HSDL2: variants seen among roughly 807,000 people sequenced by gnomAD.
The protein encoded by HSDL2 is hydroxysteroid dehydrogenase like 2, also known as hydroxysteroid dehydrogenase-like protein 2.
A neutral mutation model predicts 46.3 loss-of-function variants in HSDL2; 27 were observed. That is an observed-to-expected ratio of 0.58 (90% CI 0.43 to 0.80). The LOEUF (loss-of-function observed/expected upper bound fraction) is 0.80. HSDL2 is among the 30% of genes least tolerant of loss of function. The pLI is 0.00. For synonymous variants in HSDL2, 153 were observed against 163.6 expected (o/e 0.94, Z 0.50); for missense variants, 451 against 502.7 (o/e 0.90, Z 0.98).
rs866940819 is a variant in HSDL2 at position 112,398,586 on chromosome 9, C to T, written c.18-5409C>T. On this transcript the variant is annotated intron_variant, in intron 1 of 10. Transcript: ENST00000398805. ...AGAGGCTTGAGCAGATAACGAAGGC[C>T]GAACGGGAGAGGAAACCTGAGGAAG... is the stretch of plus-strand genomic sequence containing the variant. Among the ~76,000 whole-genome samples, 8 of 151,734 alleles carry T rather than the reference C, an allele frequency of 5.3e-5. No homozygotes were observed. The South Asian group carries it at 8.4e-4, about 16-fold the overall frequency.
intron 10 of HSDL2, among the ~76,000 whole-genome samples, chr9:112,464,393 T>A (rs1833314718): frequency 6.6e-6 from 1 of 152,248 alleles, no homozygotes; most frequent in Admixed American, 6.5e-5. Context: ...AAAAGTATCT[T>A]CTGTATTACA....
chr9:112,464,867 C>T (rs543045236), intron 10 of HSDL2, among the ~76,000 whole-genome samples: 4 of 152,330 alleles, frequency 2.6e-5, no homozygotes, highest in African/African-American at 7.2e-5. Flanking sequence ...AATCCACTTT[C>T]TGTCTCTACC....
rs1434949431 is a variant in HSDL2 at position 112,392,511 on chromosome 9, C to T, written c.18-11484C>T. 3.3e-5 allele frequency among the ~76,000 whole-genome samples: 5 copies of T among 152,132 alleles called. No homozygotes were observed. In the East Asian group the frequency reaches 7.7e-4, roughly 23 times the overall value. On this transcript the variant is annotated intron_variant, in intron 1 of 10. Transcript: ENST00000398805. ...CATTCCCAGAGTGGCCGTTGATAGA[C>T]CTGCCCCCAGGAATGCATCCCTTTT... is the stretch of plus-strand genomic sequence containing the variant.
intron 6 of HSDL2, among the ~76,000 whole-genome samples, chr9:112,428,977 C>T (rs986518797): frequency 6.6e-6 from 1 of 152,216 alleles, no homozygotes; most frequent in Non-Finnish European, 1.5e-5. Flanking sequence ...TGGCTCACTG[C>T]AACCTCTGCC....
At chr9:112,443,984 G>T (rs187028480) in intron 8 of HSDL2, among the ~76,000 whole-genome samples, 14 of 152,292 alleles carry the variant, frequency 9.2e-5, no homozygotes, top group African/African-American at 3.4e-4. Flanking sequence ...GGATAACTTT[G>T]CCTATAGCCA....
intron 8 of HSDL2, among the ~76,000 whole-genome samples, chr9:112,446,694 C>T (rs770717598): frequency 2.6e-5 from 4 of 152,162 alleles, no homozygotes; most frequent in South Asian, 2.1e-4. Context: ...CCTGCTGCCA[C>T]GGTTCTTCCC....
Position 112,408,183 on chromosome 9 carries a change from A to G in HSDL2, c.281-724A>G, listed in dbSNP as rs530801431. Among the ~76,000 whole-genome samples, 3 of 152,280 alleles carry G rather than the reference A, an allele frequency of 2.0e-5. No individual in the cohort carries two copies. The East Asian group carries it at 5.8e-4, about 29-fold the overall frequency. The stretch of plus-strand genomic sequence containing the variant: ...GGGCCTTGGGGGAAGGGAGACTACT[A>G]TGCTTGGAGGGAGGACAGGCCTTTG... On this transcript the variant is annotated intron_variant, in intron 3 of 10. Coordinates refer to ENST00000398805, the MANE Select transcript of HSDL2 (RefSeq NM_032303.5).
intron 8 of HSDL2, among the ~76,000 whole-genome samples, chr9:112,443,190 A>G (rs1213347614): frequency 1.3e-5 from 2 of 152,206 alleles, no homozygotes; most frequent in African/African-American, 4.8e-5. Flanking sequence ...CTTTTAGAAG[A>G]AGGCATGCAT....
chr9:112,404,322 G>A (rs12685754), intron 2 of HSDL2, among the ~76,000 whole-genome samples, 164 bp downstream of exon 2: 3,099 of 152,222 alleles, frequency 0.02, 97 homozygotes, highest in East Asian at 0.1. Flanking sequence ...GCTTCTGACC[G>A]TTTTTCTCCA....
At chr9:112,448,516 CTTT>C in intron 8 of HSDL2, among the ~76,000 whole-genome samples, 1 of 1,550 alleles carries the variant, frequency 6.5e-4, no homozygotes, top group East Asian at 7.1e-3. Flanking sequence ...CTCTTTCTTT[CTTT>C]CCTCCTTTCT....
chr9:112,439,076 C>G (rs1036995227), intron 7 of HSDL2, among the ~76,000 whole-genome samples: 12 of 152,196 alleles, frequency 7.9e-5, no homozygotes, highest in Non-Finnish European at 1.3e-4. Context: ...TCTCAGCTCA[C>G]TGCAACCTCT....
intron 1 of HSDL2, among the ~76,000 whole-genome samples, chr9:112,385,494 A>AC (rs1831198058): frequency 9.5e-5 from 3 of 31,738 alleles, no homozygotes; most frequent in Non-Finnish European, 2.3e-4. Context: ...ACACCTGGCT[A>AC]ATTTTTTTTT....
intron 6 of HSDL2, among the ~76,000 whole-genome samples, chr9:112,419,714 C>T (rs1280735637): frequency 6.6e-6 from 1 of 152,104 alleles, no homozygotes; most frequent in Non-Finnish European, 1.5e-5. Flanking sequence ...ATTATCTTTC[C>T]TTTCACATGA....
intron 1 of HSDL2, among the ~76,000 whole-genome samples, chr9:112,383,812 C>G (rs1321015043): frequency 6.6e-6 from 1 of 152,160 alleles, no homozygotes; most frequent in East Asian, 1.9e-4. Context: ...AGCAGTCCTC[C>G]CAGCTCATCT....
intron 1 of HSDL2, 108 bp from the exon 2 acceptor site, chr9:112,403,887 T>C (rs1282309934): frequency 8.3e-7 from 1 of 1,208,986 alleles, no homozygotes; most frequent in African/African-American, 1.5e-5. Context: ...TTAGAGAAAA[T>C]TTCACAGAGG....
At chr9:112,461,704 A>G (rs1039599984) in intron 10 of HSDL2, among the ~76,000 whole-genome samples, 6 of 152,232 alleles carry the variant, frequency 3.9e-5, no homozygotes, top group Non-Finnish European at 5.9e-5. Context: ...GAATTAAATA[A>G]TAAGCCCAAG....
At chr9:112,385,817 C>T (rs932438087) in intron 1 of HSDL2, among the ~76,000 whole-genome samples, 7 of 151,388 alleles carry the variant, frequency 4.6e-5, no homozygotes, top group African/African-American at 7.3e-5. Context: ...TTAGTAGAGA[C>T]GGGGTTTCAC....
At chr9:112,416,978 T>G in intron 5 of HSDL2, 34 bp downstream of exon 5, 1 of 975,290 alleles carries the variant, frequency 1.0e-6, no homozygotes, top group Non-Finnish European at 1.6e-6. Flanking sequence ...GGGGATGGTT[T>G]GTGCTTAATT....
chr9:112,411,748 T>C (rs1043126198), intron 4 of HSDL2, among the ~76,000 whole-genome samples: 9 of 152,228 alleles, frequency 5.9e-5, no homozygotes, highest in Non-Finnish European at 1.3e-4. Flanking sequence ...TTTGTGTTTA[T>C]TTTCAAATAA....
Sources: allele counts gnomAD v4.1 joint callset (sites outside exome capture counted in the v4.1 genomes callset), GRCh38; gene constraint gnomAD v4.1.1; transcripts MANE v1.5; gene names NCBI Gene and HGNC (gene_info 2026-07-23, HGNC 2026-07-21).